ADAMTSL1: variants seen among roughly 807,000 people sequenced by gnomAD.
ADAMTSL1 encodes ADAMTS-like protein 1.
Under a neutral mutation model 201.8 loss-of-function variants are expected in ADAMTSL1, and 126 were observed. The observed-to-expected ratio is 0.62, with a 90% CI of 0.54 to 0.72. The LOEUF (loss-of-function observed/expected upper bound fraction) is 0.72. Among genes scored for constraint, ADAMTSL1 ranks in the 30% least tolerant of loss-of-function variants. The pLI is 0.00. For synonymous variants in ADAMTSL1, 1,121 were observed against 903.4 expected (o/e 1.24, Z -4.32); for missense variants, 2,679 against 2,277.8 (o/e 1.18, Z -3.59).
chr9:18,396,661 T>C (rs1156835060), intron 2 of ADAMTSL1, among the ~76,000 whole-genome samples: 1 of 151,670 alleles, frequency 6.6e-6, no homozygotes, highest in Non-Finnish European at 1.5e-5. Flanking sequence ...TACCAGCCTT[T>C]ATCAGCTTAA....
At chr9:18,677,452 T>G (rs1830192702) in intron 10 of ADAMTSL1, among the ~76,000 whole-genome samples, 1 of 152,086 alleles carries the variant, frequency 6.6e-6, no homozygotes, top group Admixed American at 6.6e-5. Flanking sequence ...AATTTCTGTA[T>G]CTGTGAAATA....
At chr9:17,918,282 T>C (rs1826180851) in intron 1 of ADAMTSL1, among the ~76,000 whole-genome samples, 1 of 151,818 alleles carries the variant, frequency 6.6e-6, no homozygotes, top group Admixed American at 6.6e-5. Flanking sequence ...AGATGTTTAA[T>C]GATATAAATA....
chr9:18,052,424 C>T (rs1821979901), intron 1 of ADAMTSL1, among the ~76,000 whole-genome samples: 1 of 152,086 alleles, frequency 6.6e-6, no homozygotes. Context: ...AAGAGTTGAG[C>T]CAATGGAGAG....
At chr9:18,522,971 G>A (rs1041777844) in intron 2 of ADAMTSL1, among the ~76,000 whole-genome samples, 2 of 152,134 alleles carry the variant, frequency 1.3e-5, no homozygotes, top group African/African-American at 4.8e-5. Flanking sequence ...TGGGATGGCT[G>A]GGTCAAATGG....
intron 1 of ADAMTSL1, among the ~76,000 whole-genome samples, chr9:17,928,453 C>G (rs1294840412): frequency 6.6e-6 from 1 of 152,174 alleles, no homozygotes; most frequent in Non-Finnish European, 1.5e-5. Context: ...CTGAGCAATA[C>G]TCCTCTGACT....
chr9:18,350,849 G>A (rs1835935185), intron 2 of ADAMTSL1, among the ~76,000 whole-genome samples: 1 of 152,106 alleles, frequency 6.6e-6, no homozygotes, highest in African/African-American at 2.4e-5. Flanking sequence ...TAGTCTCAAG[G>A]CAAAATACAG....
intron 2 of ADAMTSL1, among the ~76,000 whole-genome samples, chr9:18,397,643 C>T (rs1817808384): frequency 6.6e-6 from 1 of 152,096 alleles, no homozygotes; most frequent in African/African-American, 2.4e-5. Flanking sequence ...AGTCTGAATT[C>T]ATGAAAGTGA....
chr9:18,378,089 T>A (rs1030137959), intron 2 of ADAMTSL1, among the ~76,000 whole-genome samples: 1 of 152,198 alleles, frequency 6.6e-6, no homozygotes, highest in Non-Finnish European at 1.5e-5. Flanking sequence ...CTTCCCTTTC[T>A]TTCTCTTCTG....
chr9:17,935,739 A>G lies in ADAMTSL1; in HGVS notation c.87+28817A>G, dbSNP rs543425269. On this transcript the variant is annotated intron_variant, in intron 1 of 29. Transcript: ENST00000680146. ...CTGTTCTATCTGTAGGTGCAGATGG[A>G]CCATCTTGATTCAAATGATCTACAT... 1.6e-3 allele frequency among the ~76,000 whole-genome samples: 243 copies of G among 152,268 alleles called. 2 individuals are homozygous for G. Among genetic ancestry groups the G allele is most frequent in the Non-Finnish European group, 2.6e-3 (178 of 68,028 alleles).
chr9:18,598,316 TG>T (rs1215487982), intron 4 of ADAMTSL1, among the ~76,000 whole-genome samples: 10 of 152,294 alleles, frequency 6.6e-5, no homozygotes, highest in African/African-American at 2.4e-4. Flanking sequence ...AACTAGCAAG[TG>T]GCAAAGCCAG....
chr9:18,508,911 G>T (rs549323610), intron 2 of ADAMTSL1, among the ~76,000 whole-genome samples: 1 of 142,304 alleles, frequency 7.0e-6, no homozygotes, highest in African/African-American at 2.7e-5. Flanking sequence ...GAGGCCGGGC[G>T]CGGTGGCTCA....
At chr9:17,920,026 A>G (rs951360004) in intron 1 of ADAMTSL1, among the ~76,000 whole-genome samples, 1 of 152,128 alleles carries the variant, frequency 6.6e-6, no homozygotes, top group African/African-American at 2.4e-5. Flanking sequence ...GGTGAATATG[A>G]AGTGATTCCT....
intron 1 of ADAMTSL1, among the ~76,000 whole-genome samples, chr9:18,495,830 G>C (rs1336561987): frequency 2.0e-5 from 3 of 152,002 alleles, no homozygotes; most frequent in South Asian, 4.1e-4. Context: ...AAATTACTTG[G>C]CAATTTTAAG....
At chr9:18,020,929 G>A (rs1820455609) in intron 1 of ADAMTSL1, among the ~76,000 whole-genome samples, 1 of 152,062 alleles carries the variant, frequency 6.6e-6, no homozygotes, top group Admixed American at 6.6e-5. Flanking sequence ...GATATCCTTG[G>A]TGGTATAACT....
intron 1 of ADAMTSL1, among the ~76,000 whole-genome samples, chr9:18,017,158 G>A (rs922253889): frequency 1.3e-5 from 2 of 152,004 alleles, no homozygotes; most frequent in Non-Finnish European, 2.9e-5. Flanking sequence ...GCAAGTTATA[G>A]TTTACAAAGG....
intron 2 of ADAMTSL1, among the ~76,000 whole-genome samples, chr9:18,282,998 C>A (rs1189691064): frequency 6.6e-6 from 1 of 152,114 alleles, no homozygotes; most frequent in African/African-American, 2.4e-5. Flanking sequence ...TCTTCTGTAC[C>A]TTTTCTGAAT....
At chr9:18,417,436 GA>G (rs139701029) in intron 2 of ADAMTSL1, among the ~76,000 whole-genome samples, 1 of 143,812 alleles carries the variant, frequency 7.0e-6, no homozygotes, top group African/African-American at 2.6e-5. Context: ...AAACAATAGA[GA>G]AAAAATCAAT....
chr9:17,925,762 G>C (rs10810876), intron 1 of ADAMTSL1, among the ~76,000 whole-genome samples: 3 of 143,728 alleles, frequency 2.1e-5, no homozygotes, highest in Admixed American at 7.1e-5. Flanking sequence ...GCTAGATGAC[G>C]AGTTAGTGGG....
At chr9:18,505,072 A>G in intron 2 of ADAMTSL1, 116 bp downstream of exon 2, 3 of 1,301,636 alleles carry the variant, frequency 2.3e-6, no homozygotes, top group Non-Finnish European at 3.1e-6. Context: ...CAGATAAAAG[A>G]AAAGAATTAA....
Sources: gnomAD v4.1 joint callset for allele counts (sites outside exome capture counted in the v4.1 genomes callset) on GRCh38, gnomAD v4.1.1 for gene constraint, MANE v1.5 for transcripts, NCBI Gene and HGNC (gene_info 2026-07-23, HGNC 2026-07-21) for gene names.